SLC9A1: variants seen among roughly 807,000 people sequenced by gnomAD.
SLC9A1 encodes sodium/hydrogen exchanger 1.
In SLC9A1, 22 loss-of-function variants were observed where a neutral mutation model predicts 67.9. That is an observed-to-expected ratio of 0.32 (90% confidence interval 0.23 to 0.46). The LOEUF (loss-of-function observed/expected upper bound fraction) is 0.46, where lower values mean the gene tolerates loss of function less well. SLC9A1 is among the 20% of genes least tolerant of loss of function. The pLI, the probability that SLC9A1 is intolerant of heterozygous loss-of-function variation, is 1.00. For missense variants in SLC9A1, 686 were observed against 1,094.8 expected (o/e 0.63, Z 5.27); for synonymous variants, 421 against 471.8 (o/e 0.89, Z 1.40).
At position 27,102,380 on chromosome 1, in the gene SLC9A1, C is replaced by T; in HGVS notation, c.1820+5G>A. On this transcript the variant is annotated splice_donor_5th_base_variant and intron_variant, in intron 8 of 11. Transcript: ENST00000263980. ...CAGAAGCTGCCTGGTTGCCCCAGCA[C>T]TCACTGCATGGAGACGGTGGAGACG... is the stretch of plus-strand genomic sequence containing the variant. The T allele has an allele frequency of 6.3e-7, 1 of 1,582,436 alleles. No homozygotes were observed. The highest frequency in any genetic ancestry group is 8.6e-7 in the Non-Finnish European group (1 of 1,158,920).
Position 27,106,123 on chromosome 1 carries a change from C to T in SLC9A1, c.1283-36G>A, listed in dbSNP as rs747653579. On this transcript the variant is annotated intron_variant, in intron 4 of 11. Transcript: ENST00000263980. This position sits in a 1 kb window ranked among gnomAD's most constrained non-coding sequence, Gnocchi z 4.3. ...AGGCAGGGGGTGATGAGGGTCAGGT[C>T]GGGCTGTCCCCAGTCCCTCCTGGAT... 7.7e-6 allele frequency: 11 copies of T among 1,423,880 alleles called. No homozygotes were observed. The highest frequency in any genetic ancestry group is 7.0e-5 in the African/African-American group (5 of 71,122). 88.2% of individuals were successfully genotyped at this position (1,423,880 alleles called of 1,614,324 possible). A position where few individuals can be genotyped will look rare whatever the true frequency, so the allele number is the denominator to read the frequency against.
intron 1 of SLC9A1, among the ~76,000 whole-genome samples, chr1:27,131,819 G>A (rs2083386199): frequency 6.9e-6 from 1 of 144,382 alleles, no homozygotes; most frequent in Non-Finnish European, 1.5e-5. Flanking sequence ...TACATGGGAG[G>A]CTGAGGCAGG....
chr1:27,110,956 G>A (rs1428695797), intron 2 of SLC9A1, among the ~76,000 whole-genome samples: 1 of 152,248 alleles, frequency 6.6e-6, no homozygotes, highest in Non-Finnish European at 1.5e-5. Flanking sequence ...AATGGACCGT[G>A]AGGAGTGACC....
At chr1:27,111,011 C>T (rs1377834540) in intron 2 of SLC9A1, among the ~76,000 whole-genome samples, 1 of 152,212 alleles carries the variant, frequency 6.6e-6, no homozygotes, top group Non-Finnish European at 1.5e-5. Flanking sequence ...GGGTCAGCCT[C>T]TGGCTTTACT....
rs561626971 is a variant in SLC9A1 at position 27,137,517 on chromosome 1, G to T, written c.352+16466C>A. Among the ~76,000 whole-genome samples, 1 of 152,282 alleles carries T rather than the reference G, an allele frequency of 6.6e-6. No homozygotes were observed. Among genetic ancestry groups the T allele is most frequent in the Non-Finnish European group, 1.5e-5 (1 of 67,984 alleles). ...GCACATGGGGACCACAAAGTTGCAA[G>T]TGGGGGAGGGGGGTTTCAGTCCTGG... On this transcript the variant is annotated intron_variant, in intron 1 of 11. Transcript: ENST00000263980. The surrounding 1 kb of genome is among the most constrained non-coding windows in gnomAD (Gnocchi z 4.6).
In SLC9A1 at chr1:27,099,077, G is replaced by C. The variant is rs868699020; in HGVS notation, c.*1230C>G. ...CCAGGGACAAGGGGAAGGAGTGTGT[G>C]TGGGCAAAGGTCTCTGGGGGCCCAG... On this transcript the variant is annotated 3_prime_UTR_variant, in exon 12 of 12. Transcript: ENST00000263980. 6.6e-6 allele frequency: 1 copy of C among 152,654 alleles called. No homozygotes were observed. Among genetic ancestry groups the C allele is most frequent in the Non-Finnish European group, 1.5e-5 (1 of 68,132 alleles). The allele number at this position is 152,654 out of a possible 1,614,324, so 9.5% of individuals were successfully genotyped here.
intron 1 of SLC9A1, among the ~76,000 whole-genome samples, chr1:27,124,885 G>T (rs1427309778): frequency 6.6e-6 from 1 of 152,088 alleles, no homozygotes. Flanking sequence ...TCCCAGAGGT[G>T]GGGGCATGAG....
intron 1 of SLC9A1, among the ~76,000 whole-genome samples, chr1:27,132,930 G>A (rs1354414784): frequency 3.3e-5 from 5 of 152,204 alleles, no homozygotes; most frequent in South Asian, 2.1e-4. Context: ...GCACTGTGAC[G>A]TGGTAGCTAA....
At chr1:27,103,427 C>G in intron 5 of SLC9A1, 115 bp from the exon 6 acceptor site, 1 of 783,688 alleles carries the variant, frequency 1.3e-6, no homozygotes, top group Non-Finnish European at 2.3e-6. Context: ...CTGCTCTGCT[C>G]TCTCCCAGGA....
intron 1 of SLC9A1, among the ~76,000 whole-genome samples, chr1:27,131,621 G>T (rs1001340404): frequency 6.6e-6 from 1 of 151,288 alleles, no homozygotes; most frequent in Non-Finnish European, 1.5e-5. Context: ...GGTGGCGCGC[G>T]CCTGTAGTCC....
intron 1 of SLC9A1, among the ~76,000 whole-genome samples, chr1:27,143,046 T>A (rs1423995629): frequency 2.6e-4 from 26 of 98,408 alleles, no homozygotes; most frequent in Non-Finnish European, 3.5e-4. Flanking sequence ...ATCAACTGTG[T>A]AAAAAAAAAA....
intron 1 of SLC9A1, among the ~76,000 whole-genome samples, chr1:27,149,671 C>T (rs2083513912): frequency 6.6e-6 from 1 of 152,224 alleles, no homozygotes; most frequent in South Asian, 2.1e-4. Context: ...CAGGCATTCC[C>T]ACGTTCAGCC....
intron 1 of SLC9A1, among the ~76,000 whole-genome samples, chr1:27,126,045 A>G (rs1214721143): frequency 6.6e-6 from 1 of 152,076 alleles, no homozygotes; most frequent in African/African-American, 2.4e-5. Context: ...CCCCCACCTC[A>G]GGGCCTTTGC....
rs534572443 is a variant in SLC9A1 at position 27,139,786 on chromosome 1, G to A, written c.352+14197C>T. On this transcript the variant is annotated intron_variant, in intron 1 of 11. Coordinates refer to ENST00000263980, the MANE Select transcript of SLC9A1 (RefSeq NM_003047.5). ...CAGTTCTCCCCTCTATGTGAGCTAA[G>A]CACACTCATTGTTTTTTTTTTTTTT... 6.8e-4 allele frequency among the ~76,000 whole-genome samples: 103 copies of A among 151,632 alleles called. 1 individual carries two copies. The highest frequency in any genetic ancestry group is 6.8e-3 in the Admixed American group (103 of 15,234).
chr1:27,099,906 A>G lies in SLC9A1; in HGVS notation c.*401T>C. 1 of 180,602 alleles carries G rather than the reference A, an allele frequency of 5.5e-6. No individual in the cohort carries two copies. Among genetic ancestry groups the G allele is most frequent in the African/African-American group, 2.3e-5 (1 of 42,742 alleles). The allele number at this position is 180,602 out of a possible 1,614,324, so 11.2% of individuals were successfully genotyped here. A position where few individuals can be genotyped will look rare whatever the true frequency, so the allele number is the denominator to read the frequency against. The stretch of plus-strand genomic sequence containing the variant: ...GCAGGGCCTACTCAAGGGAGGCCTC[A>G]GCTCCCTCCCTTCCTGGGTGGGACC... On this transcript the variant is annotated 3_prime_UTR_variant, in exon 12 of 12. Coordinates refer to ENST00000263980, the MANE Select transcript of SLC9A1 (RefSeq NM_003047.5).
intron 1 of SLC9A1, among the ~76,000 whole-genome samples, chr1:27,135,611 GTCACAGATTATT>G (rs2083415841): frequency 6.8e-6 from 1 of 146,692 alleles, no homozygotes; most frequent in Non-Finnish European, 1.5e-5. Context: ...ACACTTTACT[GTCACAGATTATT>G]TCATTTAATT....
At chr1:27,132,541 T>C (rs1426373282) in intron 1 of SLC9A1, among the ~76,000 whole-genome samples, 1 of 152,146 alleles carries the variant, frequency 6.6e-6, no homozygotes, top group Non-Finnish European at 1.5e-5. Context: ...ATTTTTAAAA[T>C]GAAGATGCCT....
intron 1 of SLC9A1, among the ~76,000 whole-genome samples, chr1:27,125,237 CTT>C (rs71010327): frequency 1.4e-3 from 119 of 86,874 alleles, no homozygotes; most frequent in African/African-American, 5.2e-3. Context: ...CCTTTTCTTT[CTT>C]TTTTTTTTTT....
intron 1 of SLC9A1, among the ~76,000 whole-genome samples, chr1:27,127,917 C>T (rs2083356760): frequency 6.6e-6 from 1 of 152,180 alleles, no homozygotes; most frequent in Non-Finnish European, 1.5e-5. Context: ...CTAGACTCAG[C>T]CACTAACATT....
Sources: gnomAD v4.1 joint callset for allele counts (sites outside exome capture counted in the v4.1 genomes callset) on GRCh38, gnomAD v4.1.1 for gene constraint, Gnocchi (gnomAD v3.1) non-coding constraint, MANE v1.5 for transcripts, NCBI Gene and HGNC (gene_info 2026-07-23, HGNC 2026-07-21) for gene names.